The following C7orf78 variants were observed in gnomAD, a reference collection of about 807,000 sequenced individuals.
C7orf78 encodes chromosome 7 open reading frame 78, also known as putative uncharacterized protein C7orf78.
the C7orf78 span, among the ~76,000 whole-genome samples, chr7:12,528,618 CTT>C: frequency 6.6e-6 from 1 of 152,126 alleles, no homozygotes; most frequent in Non-Finnish European, 1.5e-5. Flanking sequence ...TTAAGGAAAA[CTT>C]AAGGTAGAGT....
the C7orf78 span, among the ~76,000 whole-genome samples, chr7:12,519,305 C>A: frequency 6.6e-6 from 1 of 152,208 alleles, no homozygotes; most frequent in African/African-American, 2.4e-5. Flanking sequence ...TTGCAACTCA[C>A]AGCCCCAGAC....
the C7orf78 span, among the ~76,000 whole-genome samples, chr7:12,532,938 T>C: frequency 6.6e-6 from 1 of 152,158 alleles, no homozygotes. Flanking sequence ...TGTCTCCAGA[T>C]GGGTAAGAAT....
chr7:12,525,871 G>T, the C7orf78 span: 2 of 396,370 alleles, frequency 5.0e-6, no homozygotes, highest in South Asian at 1.3e-4. Context: ...GGACCCCTTT[G>T]GATTAAAATT....
chr7:12,514,153 A>G, the C7orf78 span, among the ~76,000 whole-genome samples: 1 of 152,134 alleles, frequency 6.6e-6, no homozygotes, highest in Non-Finnish European at 1.5e-5. Context: ...GTGTTCAAGT[A>G]TCCCACTATT....
the C7orf78 span, among the ~76,000 whole-genome samples, chr7:12,508,743 T>G: frequency 2.0e-5 from 3 of 152,192 alleles, no homozygotes; most frequent in Non-Finnish European, 4.4e-5. Flanking sequence ...CCACTCCCCA[T>G]TGTTTACATT....
the C7orf78 span, chr7:12,484,007 A>G: frequency 1.3e-5 from 2 of 152,204 alleles, no homozygotes; most frequent in Non-Finnish European, 2.9e-5. Flanking sequence ...CTCCTGAAGA[A>G]ATACAAAGGT....
the C7orf78 span, among the ~76,000 whole-genome samples, chr7:12,495,627 T>C: frequency 0.92 from 140,425 of 152,262 alleles, 64,792 homozygotes; most frequent in East Asian, 1. Flanking sequence ...ATTACTTATT[T>C]TTTCCAAGTA....
At chr7:12,539,970 C>T in the C7orf78 span, among the ~76,000 whole-genome samples, 1 of 152,094 alleles carries the variant, frequency 6.6e-6, no homozygotes, top group Admixed American at 6.6e-5. Flanking sequence ...GGAAGGAACT[C>T]AGATAAAACA....
At chr7:12,517,322 C>T in the C7orf78 span, among the ~76,000 whole-genome samples, 1 of 152,070 alleles carries the variant, frequency 6.6e-6, no homozygotes, top group African/African-American at 2.4e-5. Flanking sequence ...TGAGGCCTCC[C>T]CAGCCATGAG....
chr7:12,489,481 A>G, the C7orf78 span, among the ~76,000 whole-genome samples: 1 of 152,138 alleles, frequency 6.6e-6, no homozygotes, highest in Non-Finnish European at 1.5e-5. Context: ...TTTTAAATGT[A>G]AACACTTAAT....
chr7:12,504,339 T>A, the C7orf78 span: 1 of 152,166 alleles, frequency 6.6e-6, no homozygotes, highest in African/African-American at 2.4e-5. Flanking sequence ...GAGGCCCTAG[T>A]TTTACTTTTC....
the C7orf78 span, among the ~76,000 whole-genome samples, chr7:12,499,231 A>C: frequency 1.5e-4 from 23 of 151,564 alleles, no homozygotes; most frequent in African/African-American, 5.1e-4. Flanking sequence ...TTCACACATA[A>C]CACTATTAAC....
chr7:12,521,473 C>G, the C7orf78 span, among the ~76,000 whole-genome samples: 6 of 151,880 alleles, frequency 4.0e-5, 1 homozygote, highest in South Asian at 6.2e-4. Flanking sequence ...ACTGTTTCTT[C>G]TCCTTTATTC....
At chr7:12,519,308 C>A in the C7orf78 span, among the ~76,000 whole-genome samples, 2 of 152,182 alleles carry the variant, frequency 1.3e-5, no homozygotes, top group African/African-American at 4.8e-5. Flanking sequence ...CAACTCACAG[C>A]CCCAGACAAG....
the C7orf78 span, among the ~76,000 whole-genome samples, chr7:12,533,666 G>A: frequency 7.9e-5 from 12 of 151,870 alleles, no homozygotes; most frequent in Non-Finnish European, 1.0e-4. Context: ...ACAGGTGCCC[G>A]CCACCACGCC....
chr7:12,532,367 G>A, the C7orf78 span, among the ~76,000 whole-genome samples: 3 of 151,550 alleles, frequency 2.0e-5, no homozygotes, highest in Non-Finnish European at 4.4e-5. Context: ...GACCAACATG[G>A]TGAAACCCTG....
chr7:12,505,397 A>G, the C7orf78 span, among the ~76,000 whole-genome samples: 1 of 152,270 alleles, frequency 6.6e-6, no homozygotes, highest in Admixed American at 6.5e-5. Flanking sequence ...AGGAGTTGAC[A>G]TAAATAAATT....
At chr7:12,516,611 C>G in the C7orf78 span, among the ~76,000 whole-genome samples, 1 of 152,170 alleles carries the variant, frequency 6.6e-6, no homozygotes, top group African/African-American at 2.4e-5. Flanking sequence ...AATGCCAGCC[C>G]GTGAAAGCAG....
the C7orf78 span, among the ~76,000 whole-genome samples, chr7:12,528,584 G>A: frequency 7.2e-5 from 11 of 152,182 alleles, no homozygotes; most frequent in African/African-American, 2.2e-4. Flanking sequence ...TTTGTAAGAC[G>A]CAGCCCCTGA....
Sources: gnomAD v4.1 joint callset for allele counts (sites outside exome capture counted in the v4.1 genomes callset) on GRCh38, gnomAD v4.1.1 for gene constraint, MANE v1.5 for transcripts, NCBI Gene and HGNC (gene_info 2026-07-23, HGNC 2026-07-21) for gene names.